NR3C1: variants seen among roughly 807,000 people sequenced by gnomAD.
The protein encoded by NR3C1 is nuclear receptor subfamily 3 group C member 1.
NR3C1 carries 14 observed loss-of-function variants against 74.0 expected under a neutral mutation model. The observed-to-expected ratio is 0.19, with a 90% CI of 0.12 to 0.30. The LOEUF (loss-of-function observed/expected upper bound fraction) is 0.30, where lower values mean the gene tolerates loss of function less well. Among genes scored for constraint, NR3C1 ranks in the 10% least tolerant of loss-of-function variants. The probability of loss-of-function intolerance (pLI) is 1.00; values close to 1 mark genes in which losing one functional copy is unlikely to be tolerated. For synonymous variants in NR3C1, 308 were observed against 332.5 expected, an observed-to-expected ratio of 0.93 and a Z score of 0.80; for missense variants, 695 against 909.8, an observed-to-expected ratio of 0.76 and a Z score of 3.04.
intron 1 of NR3C1, among the ~76,000 whole-genome samples, chr5:143,426,923 G>A (rs114048105): frequency 1.5e-3 from 229 of 152,310 alleles, no homozygotes; most frequent in African/African-American, 5.3e-3. Context: ...CTTTTACGAA[G>A]TTTATCCCTT....
At chr5:143,361,476 A>T (rs1044260204) in intron 2 of NR3C1, among the ~76,000 whole-genome samples, 1 of 152,190 alleles carries the variant, frequency 6.6e-6, no homozygotes, top group Non-Finnish European at 1.5e-5. Flanking sequence ...TTCAAAGGAA[A>T]GCTTCTCTAG....
At chr5:143,339,540 A>C (rs912233884) in intron 2 of NR3C1, among the ~76,000 whole-genome samples, 4 of 152,086 alleles carry the variant, frequency 2.6e-5, no homozygotes, top group African/African-American at 9.7e-5. Context: ...TCCCTTTTTC[A>C]AAATCCTTTA....
chr5:143,281,182 T>G lies in NR3C1; in HGVS notation c.*707A>C, dbSNP rs1305169920. ...TGAGTCAATTTTTGTGGTCTTCTGA[T>G]AGCTAAGTGCCATCAGGTTAGAAGC... On this transcript the variant is annotated 3_prime_UTR_variant, in exon 9 of 9. Transcript: ENST00000394464. The G allele has an allele frequency of 6.6e-6, 1 of 151,028 alleles. No homozygotes were observed. Among genetic ancestry groups the G allele is most frequent in the Non-Finnish European group, 1.5e-5 (1 of 67,742 alleles). 9.4% of individuals were successfully genotyped at this position (151,028 alleles called of 1,614,324 possible).
In NR3C1 at chr5:143,403,384, A is replaced by G; in HGVS notation, c.-187T>C. ...TGGGTGGGGGGAGAGCCCCTATTTAAGAAAGTCTCCCATTGCCCAGCTGAC... is the reference window on the plus strand; with the variant it reads ...TGGGTGGGGGGAGAGCCCCTATTTAGGAAAGTCTCCCATTGCCCAGCTGAC... On this transcript the variant is annotated 5_prime_UTR_variant, in exon 1 of 9. Coordinates refer to ENST00000394464, the MANE Select transcript of NR3C1 (RefSeq NM_000176.3). 3.0e-6 allele frequency: 3 copies of G among 985,456 alleles called. No homozygotes were observed. Among genetic ancestry groups the G allele is most frequent in the Non-Finnish European group, 3.6e-6 (3 of 829,992 alleles). 61.0% of individuals were successfully genotyped at this position (985,456 alleles called of 1,614,324 possible).
At chr5:143,370,696 A>C (rs1834083983) in intron 2 of NR3C1, among the ~76,000 whole-genome samples, 1 of 152,058 alleles carries the variant, frequency 6.6e-6, no homozygotes, top group African/African-American at 2.4e-5. Context: ...TTCTACTCCT[A>C]TTCAAACACC....
intron 2 of NR3C1, among the ~76,000 whole-genome samples, chr5:143,366,435 G>A (rs1004763718): frequency 2.6e-5 from 4 of 151,754 alleles, no homozygotes; most frequent in South Asian, 2.1e-4. Flanking sequence ...TCTTGAACCC[G>A]GGAAGCGGAG....
chr5:143,279,343 C>G lies in NR3C1; in HGVS notation c.*2546G>C. 3 of 1,546,590 alleles carry G rather than the reference C, an allele frequency of 1.9e-6. No individual in the cohort carries two copies. The highest frequency in any genetic ancestry group is 2.6e-6 in the Non-Finnish European group (3 of 1,146,298). On this transcript the variant is annotated 3_prime_UTR_variant, in exon 9 of 9. Coordinates refer to ENST00000394464, the MANE Select transcript of NR3C1 (RefSeq NM_000176.3). ...CTCATTGAGTTCTATTTTTTGAGCG[C>G]CAAGATTGTTGGGATGAAAATCAGA... is the stretch of plus-strand genomic sequence containing the variant.
At chr5:143,308,529 G>T (rs918700953) in intron 4 of NR3C1, among the ~76,000 whole-genome samples, 8 of 152,176 alleles carry the variant, frequency 5.3e-5, no homozygotes, top group Admixed American at 1.3e-4. Context: ...TCTCAGTACT[G>T]CCATCTCTTA....
intron 2 of NR3C1, among the ~76,000 whole-genome samples, chr5:143,376,589 C>CTT (rs1835241026): frequency 6.6e-6 from 1 of 152,344 alleles, no homozygotes; most frequent in African/African-American, 2.4e-5. Flanking sequence ...TTCCAGCTTG[C>CTT]ATAATCACCT....
intron 2 of NR3C1, among the ~76,000 whole-genome samples, chr5:143,342,743 C>G (rs1459311934): frequency 6.6e-6 from 1 of 152,136 alleles, no homozygotes; most frequent in Non-Finnish European, 1.5e-5. Flanking sequence ...CTGAGTAAAA[C>G]AGATTGTGTT....
rs75011616 is a variant in NR3C1, at chr5:143,410,487, T to C, written c.-13-9635A>G. Among the ~76,000 whole-genome samples the C allele has an allele frequency of 1.5e-3, 225 of 152,356 alleles. 4 individuals carry two copies. In the East Asian group the frequency reaches 0.037, roughly 25 times the overall value. ...GAAAAAAAAATTGTTTTGAGATCAGTATTTGTCAATTAAATTTTCTCTATC... is the reference window on the plus strand; with the variant it reads ...GAAAAAAAAATTGTTTTGAGATCAGCATTTGTCAATTAAATTTTCTCTATC... On this transcript the variant is annotated intron_variant, in intron 1 of 8. Coordinates refer to the NR3C1 transcript ENST00000343796.
intron 6 of NR3C1, among the ~76,000 whole-genome samples, chr5:143,297,075 CAAA>C (rs766243522): frequency 1.6e-5 from 1 of 60,628 alleles, no homozygotes; most frequent in Non-Finnish European, 3.3e-5. Flanking sequence ...AGACTCGTCT[CAAA>C]AAAAAAAAAA....
At chr5:143,431,338 T>C (rs1350082637) in intron 1 of NR3C1, among the ~76,000 whole-genome samples, 1 of 152,092 alleles carries the variant, frequency 6.6e-6, no homozygotes, top group East Asian at 1.9e-4. Context: ...GGAGAACAGA[T>C]TATAGAGAAG....
chr5:143,379,840 G>A (rs1835869006), intron 2 of NR3C1, among the ~76,000 whole-genome samples: 1 of 152,194 alleles, frequency 6.6e-6, no homozygotes. Context: ...GATAAGTTCA[G>A]CTTGGCCAGA....
rs1019712151 is a variant in NR3C1 at position 143,300,889 on chromosome 5, T to C, written c.1469-126A>G. The stretch of plus-strand genomic sequence containing the variant: ...ATGGGAGAAATATTTTATTTAGCAA[T>C]TATGATAAAGTGACATGGAAAAGGA... On this transcript the variant is annotated intron_variant, in intron 4 of 8. Coordinates refer to ENST00000394464, the MANE Select transcript of NR3C1 (RefSeq NM_000176.3). The surrounding 1 kb of genome is among the most constrained non-coding windows in gnomAD (Gnocchi z 5.2). The C allele has an allele frequency of 1.8e-5, 19 of 1,069,478 alleles. No individual in the cohort carries two copies. The highest frequency in any genetic ancestry group is 2.4e-5 in the Non-Finnish European group (18 of 760,206). 66.2% of individuals were successfully genotyped at this position (1,069,478 alleles called of 1,614,324 possible).
rs1050760577 is a variant in NR3C1 at position 143,278,781 on chromosome 5, A to G, written c.*3108T>C. The G allele has an allele frequency of 2.6e-5, 4 of 152,170 alleles. No homozygotes were observed. The highest frequency in any genetic ancestry group is 7.2e-5 in the African/African-American group (3 of 41,422). 9.4% of individuals were successfully genotyped at this position (152,170 alleles called of 1,614,324 possible). On this transcript the variant is annotated 3_prime_UTR_variant, in exon 9 of 9. Transcript: ENST00000394464. The stretch of plus-strand genomic sequence containing the variant: ...ATTATGAGACTTAGGTGAAACTGGA[A>G]TTGCTCCCTGCCTCTGAATTCTGAA...
At chr5:143,309,653 G>T (rs1820485519) in intron 4 of NR3C1, among the ~76,000 whole-genome samples, 1 of 151,322 alleles carries the variant, frequency 6.6e-6, no homozygotes. Flanking sequence ...ACCACCCCCC[G>T]CTTGAAGATC....
intron 2 of NR3C1, among the ~76,000 whole-genome samples, chr5:143,363,847 C>T (rs1832714830): frequency 6.6e-6 from 1 of 151,924 alleles, no homozygotes; most frequent in African/African-American, 2.4e-5. Flanking sequence ...ATCATCCAGT[C>T]TGAGGAAGTG....
chr5:143,348,149 T>A (rs1297108050), intron 2 of NR3C1, among the ~76,000 whole-genome samples: 1 of 152,206 alleles, frequency 6.6e-6, no homozygotes, highest in East Asian at 1.9e-4. Context: ...GTTGATTTTG[T>A]CTCACAGCAT....
Sources: allele counts gnomAD v4.1 joint callset (sites outside exome capture counted in the v4.1 genomes callset), GRCh38; gene constraint gnomAD v4.1.1; non-coding constraint Gnocchi (gnomAD v3.1); transcripts MANE v1.5; gene names NCBI Gene and HGNC (gene_info 2026-07-23, HGNC 2026-07-21).